The following GLIS3 variants were observed in gnomAD, a reference collection of about 807,000 sequenced individuals.
The protein encoded by GLIS3 is GLIS family zinc finger 3, also known as zinc finger protein GLIS3.
A neutral mutation model predicts 78.6 loss-of-function variants in GLIS3; 53 were observed. That is an observed-to-expected ratio of 0.67 (90% CI 0.54 to 0.85). The LOEUF is 0.85. Among genes scored for constraint, GLIS3 ranks in the 40% least tolerant of loss-of-function variants. The pLI is 0.00. For synonymous variants in GLIS3, 684 were observed against 509.9 expected, an observed-to-expected ratio of 1.34 and a Z score of -4.60; for missense variants, 1,703 against 1,231.1, an observed-to-expected ratio of 1.38 and a Z score of -5.74.
rs752677222 is a variant in GLIS3 at position 4,283,425 on chromosome 9, C to A, written c.388+2613G>T. On this transcript the variant is annotated intron_variant, in intron 2 of 10. Coordinates refer to ENST00000381971, the MANE Select transcript of GLIS3 (RefSeq NM_001042413.2). ...GGATTACAGGCGCCCACCACCACAC[C>A]CGGCTCATTTTTGTATTTTTAGCAG... Among the ~76,000 whole-genome samples the A allele has an allele frequency of 2.6e-5, 4 of 152,072 alleles. 1 individual carries two copies. Among genetic ancestry groups the A allele is most frequent in the Non-Finnish European group, 5.9e-5 (4 of 68,016 alleles).
At chr9:4,470,855 C>A in the GLIS3 span, among the ~76,000 whole-genome samples, 8 of 144,916 alleles carry the variant, frequency 5.5e-5, no homozygotes, top group South Asian at 2.2e-4. Flanking sequence ...CTAGAAAACC[C>A]CATTGTCTCA....
In GLIS3 at chr9:3,829,399, G is replaced by A. The variant is rs780172059; in HGVS notation, c.2567C>T (p.Ser856Leu). The change falls in exon 10 of 11, where the codon TCG (serine) becomes TTG (leucine). Residue 856 changes from serine (S) to leucine (L), a missense_variant. Transcript: ENST00000381971. ...PPVSSCSVVP[S>L]FEDCLVPTSM... ...TGTAGGGACTAGGCAGTCCTCAAAC[G>A]AAGGCACCACACTGCAGGAGCTGAC... 20 of 1,614,108 alleles carry A rather than the reference G, an allele frequency of 1.2e-5. No individual in the cohort carries two copies. The highest frequency in any genetic ancestry group is 1.6e-4 in the Middle Eastern group (1 of 6,062).
chr9:4,016,111 G>A (rs1822413781), intron 4 of GLIS3, among the ~76,000 whole-genome samples: 2 of 152,046 alleles, frequency 1.3e-5, no homozygotes, highest in Non-Finnish European at 2.9e-5. Flanking sequence ...TCATCAAATG[G>A]TAATCCAAAA....
rs1817626445 is a variant in GLIS3 at position 3,824,590 on chromosome 9, C to G, written c.*3682G>C. ...TAACTTATGATTATATGAAACATAACTGTGACAAATCACAAAACTATACAT... is the reference window on the plus strand; with the variant it reads ...TAACTTATGATTATATGAAACATAAGTGTGACAAATCACAAAACTATACAT... On this transcript the variant is annotated 3_prime_UTR_variant, in exon 11 of 11. Transcript: ENST00000381971. 1 of 152,408 alleles carries G rather than the reference C, an allele frequency of 6.6e-6. No homozygotes were observed. Among genetic ancestry groups the G allele is most frequent in the Admixed American group, 6.6e-5 (1 of 15,252 alleles). 9.4% of individuals were successfully genotyped at this position (152,408 alleles called of 1,614,324 possible). A position where few individuals can be genotyped will look rare whatever the true frequency, so the allele number is the denominator to read the frequency against.
At chr9:4,124,302 C>G (rs900794595) in intron 3 of GLIS3, among the ~76,000 whole-genome samples, 18 of 152,154 alleles carry the variant, frequency 1.2e-4, no homozygotes, top group African/African-American at 4.3e-4. Flanking sequence ...GCTAAGGAAT[C>G]AAATATGCCA....
chr9:3,971,069 T>A (rs1292817925), intron 4 of GLIS3, among the ~76,000 whole-genome samples: 2 of 69,774 alleles, frequency 2.9e-5, no homozygotes, highest in Admixed American at 1.3e-4. Flanking sequence ...GAAGGAAGGA[T>A]TAATTGAAGG....
chr9:4,374,181 C>A, the GLIS3 span, among the ~76,000 whole-genome samples: 1 of 152,164 alleles, frequency 6.6e-6, no homozygotes, highest in Non-Finnish European at 1.5e-5. Context: ...GTGATACTGC[C>A]TTCTAATTGG....
At position 4,186,435 on chromosome 9, in the gene GLIS3, T is replaced by C. The variant is rs185494957; in HGVS notation, c.389-60494A>G. Among the ~76,000 whole-genome samples, 303 of 152,174 alleles carry C rather than the reference T, an allele frequency of 2.0e-3. 1 individual carries two copies. The highest frequency in any genetic ancestry group is 3.2e-3 in the Non-Finnish European group (217 of 68,022). ...TGGGTTGGTTGCAAGTCTTTGCTGT[T>C]GTGAATAGTGCCACAATAAACATAT... is the stretch of plus-strand genomic sequence containing the variant. On this transcript the variant is annotated intron_variant, in intron 2 of 10. Transcript: ENST00000381971.
rs1055358969 is a variant in GLIS3, at chr9:3,977,071, A to C, written c.1711-39882T>G. ...GTCATGTTCTCCTACTCTGAGGTTTATGCAGTTTGTTCAGCAGGCTCTGAA... is the reference window on the plus strand; with the variant it reads ...GTCATGTTCTCCTACTCTGAGGTTTCTGCAGTTTGTTCAGCAGGCTCTGAA... On this transcript the variant is annotated intron_variant, in intron 4 of 10. Transcript: ENST00000381971. This position sits in a 1 kb window ranked among gnomAD's most constrained non-coding sequence, Gnocchi z 4.1. 2.9e-4 allele frequency among the ~76,000 whole-genome samples: 44 copies of C among 152,130 alleles called. No homozygotes were observed. The highest frequency in any genetic ancestry group is 1.5e-4 in the Non-Finnish European group (10 of 68,026).
upstream of GLIS3, among the ~76,000 whole-genome samples, chr9:4,300,208 T>TCA (rs35733770): frequency 0.031 from 4,377 of 142,948 alleles, 140 homozygotes; most frequent in African/African-American, 0.076. Flanking sequence ...CTTGACGCAT[T>TCA]CACACACACA....
chr9:4,149,236 C>T (rs779140857), intron 2 of GLIS3, among the ~76,000 whole-genome samples: 4 of 152,182 alleles, frequency 2.6e-5, no homozygotes, highest in East Asian at 3.8e-4. Flanking sequence ...ATGCCTAGCT[C>T]TATTCCCAGA....
At chr9:3,980,956 C>T (rs1490850664) in intron 4 of GLIS3, among the ~76,000 whole-genome samples, 1 of 152,198 alleles carries the variant, frequency 6.6e-6, no homozygotes, top group Non-Finnish European at 1.5e-5. Context: ...CGACAGCCCT[C>T]CTGCTCAGCA....
chr9:3,843,550 C>T (rs1489080978), intron 9 of GLIS3, among the ~76,000 whole-genome samples: 3 of 152,182 alleles, frequency 2.0e-5, no homozygotes, highest in Non-Finnish European at 2.9e-5. Flanking sequence ...GGAAGCCTGC[C>T]TTTGTATCTT....
At chr9:4,415,912 G>A in the GLIS3 span, among the ~76,000 whole-genome samples, 1 of 151,552 alleles carries the variant, frequency 6.6e-6, no homozygotes, top group Non-Finnish European at 1.5e-5. Context: ...CTCTCCCTGA[G>A]CCCCACTCCT....
chr9:4,489,351 G>A, the GLIS3 span, among the ~76,000 whole-genome samples: 1 of 152,220 alleles, frequency 6.6e-6, no homozygotes, highest in Non-Finnish European at 1.5e-5. Context: ...TACACCAAAG[G>A]GATGAAGCTC....
chr9:4,456,628 A>G, the GLIS3 span, among the ~76,000 whole-genome samples: 16 of 152,350 alleles, frequency 1.1e-4, no homozygotes, highest in Admixed American at 9.1e-4. Flanking sequence ...GGCTTTCAAC[A>G]TGCCTTCCTC....
At chr9:4,379,260 G>C in the GLIS3 span, among the ~76,000 whole-genome samples, 2 of 152,160 alleles carry the variant, frequency 1.3e-5, no homozygotes, top group African/African-American at 4.8e-5. Context: ...CTCATTTGCT[G>C]GCTATGGGTC....
chr9:4,384,506 CCCTT>C, the GLIS3 span, among the ~76,000 whole-genome samples: 22 of 148,954 alleles, frequency 1.5e-4, no homozygotes, highest in Middle Eastern at 3.5e-3. Context: ...CTCTTTCCCT[CCCTT>C]CCTTCCTTCT....
chr9:3,916,593 A>G (rs1824530419), intron 6 of GLIS3, among the ~76,000 whole-genome samples: 1 of 152,224 alleles, frequency 6.6e-6, no homozygotes. Context: ...TCAGAGAAAA[A>G]TTGCAGCGCT....
Sources: allele counts gnomAD v4.1 joint callset (sites outside exome capture counted in the v4.1 genomes callset), GRCh38; gene constraint gnomAD v4.1.1; non-coding constraint Gnocchi (gnomAD v3.1); transcripts MANE v1.5; gene names NCBI Gene and HGNC (gene_info 2026-07-23, HGNC 2026-07-21).